Variants in WDR25 observed in about 807,000 individuals in gnomAD.
WDR25 encodes WD repeat domain 25.
WDR25 carries 35 observed loss-of-function variants against 47.7 expected under a neutral mutation model. The observed-to-expected ratio is 0.73, with a 90% CI of 0.56 to 0.97. The LOEUF is 0.97. WDR25 is among the 50% of genes least tolerant of loss of function. The probability of loss-of-function intolerance (pLI) is 0.00; values close to 1 mark genes in which losing one functional copy is unlikely to be tolerated. For synonymous variants in WDR25, 248 were observed against 278.9 expected (o/e 0.89, Z 1.10); for missense variants, 634 against 704.7 (o/e 0.90, Z 1.14).
chr14:100,490,786 C>T (rs903491703), intron 4 of WDR25, among the ~76,000 whole-genome samples: 1 of 152,224 alleles, frequency 6.6e-6, no homozygotes, highest in African/African-American at 2.4e-5. Flanking sequence ...CTACTTGGCT[C>T]AAAGTGCCAT....
chr14:100,394,350 G>A (rs898824606), intron 2 of WDR25, among the ~76,000 whole-genome samples: 2 of 152,174 alleles, frequency 1.3e-5, no homozygotes, highest in African/African-American at 4.8e-5. Context: ...GATGGGCCTT[G>A]TGACGTCTCC....
chr14:100,389,435 T>C (rs1385647709), intron 2 of WDR25, among the ~76,000 whole-genome samples: 2 of 152,248 alleles, frequency 1.3e-5, no homozygotes, highest in Admixed American at 6.5e-5. Context: ...TCCTTCTAGC[T>C]TCTGCTGTTT....
chr14:100,514,154 T>G (rs1452544827), intron 4 of WDR25, among the ~76,000 whole-genome samples: 1 of 151,952 alleles, frequency 6.6e-6, no homozygotes, highest in African/African-American at 2.4e-5. Flanking sequence ...GCCAGGATGG[T>G]CTCGATCTCC....
intron 2 of WDR25, among the ~76,000 whole-genome samples, chr14:100,413,813 G>A (rs772019490): frequency 4.6e-5 from 7 of 152,324 alleles, no homozygotes; most frequent in East Asian, 3.9e-4. Context: ...CATGCAGGGC[G>A]TAGCCTTTAG....
At chr14:100,376,873 C>G (rs1595477614) in intron 1 of WDR25, 1 of 644,494 alleles carries the variant, frequency 1.6e-6, no homozygotes, top group Non-Finnish European at 2.1e-6. Flanking sequence ...CTAGCATCTC[C>G]CCCTCCCACC....
intron 2 of WDR25, among the ~76,000 whole-genome samples, chr14:100,459,894 G>GTATGTATA (rs1899327945): frequency 1.3e-5 from 1 of 78,274 alleles, no homozygotes; most frequent in South Asian, 6.0e-4. Context: ...GTGTGTGTGT[G>GTATGTATA]TATATATATA....
At chr14:100,439,105 C>T (rs995211572) in intron 2 of WDR25, among the ~76,000 whole-genome samples, 2 of 152,212 alleles carry the variant, frequency 1.3e-5, no homozygotes, top group African/African-American at 2.4e-5. Context: ...AGCTCTATGC[C>T]CTGGGCAAGT....
At chr14:100,465,890 G>A (rs1241921953) in intron 2 of WDR25, among the ~76,000 whole-genome samples, 3 of 152,196 alleles carry the variant, frequency 2.0e-5, no homozygotes, top group Non-Finnish European at 4.4e-5. Context: ...TTTTTTGATA[G>A]CAGCCATCCT....
chr14:100,486,570 T>A (rs1900390900), intron 4 of WDR25, among the ~76,000 whole-genome samples: 1 of 152,170 alleles, frequency 6.6e-6, no homozygotes, highest in Non-Finnish European at 1.5e-5. Context: ...TGCCCATGTG[T>A]CTCAAATGGA....
chr14:100,489,828 G>C (rs1338829435), intron 4 of WDR25, among the ~76,000 whole-genome samples: 1 of 152,116 alleles, frequency 6.6e-6, no homozygotes, highest in African/African-American at 2.4e-5. Flanking sequence ...TCCAGAGAAG[G>C]CTGCACCTCT....
intron 4 of WDR25, among the ~76,000 whole-genome samples, chr14:100,487,329 G>A (rs1277021117): frequency 1.3e-5 from 2 of 152,210 alleles, no homozygotes; most frequent in African/African-American, 4.8e-5. Context: ...ATAGATGTGA[G>A]GACAGAGACC....
At chr14:100,520,435 T>C (rs975782688) in intron 4 of WDR25, among the ~76,000 whole-genome samples, 1 of 152,176 alleles carries the variant, frequency 6.6e-6, no homozygotes, top group Non-Finnish European at 1.5e-5. Flanking sequence ...CACTTTAAGA[T>C]TTCTTGCAGT....
chr14:100,428,007 G>A lies in WDR25; in HGVS notation c.823-40014G>A, dbSNP rs1051380463. Reference sequence around the variant, plus strand: ...GCCCTCAGGCTGAGGCTCCTTCTACGAGGCTGGAAGCCTTTTCCTCCTGAG... The same window carrying A: ...GCCCTCAGGCTGAGGCTCCTTCTACAAGGCTGGAAGCCTTTTCCTCCTGAG... On this transcript the variant is annotated intron_variant, in intron 2 of 6. Transcript: ENST00000402312. This position sits in a 1 kb window ranked among gnomAD's most constrained non-coding sequence, Gnocchi z 4.3. Among the ~76,000 whole-genome samples, 5 of 152,238 alleles carry A rather than the reference G, an allele frequency of 3.3e-5. No individual in the cohort carries two copies. Among genetic ancestry groups the A allele is most frequent in the African/African-American group, 9.6e-5 (4 of 41,470 alleles).
intron 5 of WDR25, among the ~76,000 whole-genome samples, chr14:100,526,720 G>A (rs1255233005): frequency 4.5e-5 from 5 of 111,704 alleles, no homozygotes; most frequent in Admixed American, 2.6e-4. Context: ...ACCACCATCA[G>A]CATCACTGTG....
chr14:100,430,289 C>T lies in WDR25; in HGVS notation c.823-37732C>T, dbSNP rs1364773045. Among the ~76,000 whole-genome samples, 1 of 152,032 alleles carries T rather than the reference C, an allele frequency of 6.6e-6. No homozygotes were observed. The highest frequency in any genetic ancestry group is 1.9e-4 in the East Asian group (1 of 5,184). On this transcript the variant is annotated intron_variant, in intron 2 of 6. Coordinates refer to ENST00000402312, the MANE Select transcript of WDR25 (RefSeq NM_001161476.3). This position sits in a 1 kb window ranked among gnomAD's most constrained non-coding sequence, Gnocchi z 4.7. The stretch of plus-strand genomic sequence containing the variant: ...TCTGCCCAGCCAGTCAGAGTCACCT[C>T]CGGACCTCCTGCTTCCTGATCTCCT...
intron 3 of WDR25, among the ~76,000 whole-genome samples, chr14:100,483,730 G>A (rs974627063): frequency 5.3e-5 from 8 of 152,192 alleles, no homozygotes; most frequent in Admixed American, 4.6e-4. Flanking sequence ...TGTGAAAGGT[G>A]CACTCATCAA....
At chr14:100,446,543 T>G (rs1268611172) in intron 2 of WDR25, among the ~76,000 whole-genome samples, 1 of 106,984 alleles carries the variant, frequency 9.3e-6, no homozygotes, top group African/African-American at 3.7e-5. Context: ...AGAGGAAGAC[T>G]CCATCTCAAA....
At chr14:100,418,492 C>T (rs535583985) in intron 2 of WDR25, among the ~76,000 whole-genome samples, 6 of 151,898 alleles carry the variant, frequency 4.0e-5, no homozygotes, top group Middle Eastern at 3.4e-3. Flanking sequence ...ATTAGCTGGG[C>T]GTGGTGGTGC....
At chr14:100,452,019 T>C (rs58514951) in intron 2 of WDR25, among the ~76,000 whole-genome samples, 13,210 of 152,220 alleles carry the variant, frequency 0.087, 1,506 homozygotes, top group African/African-American at 0.27. Flanking sequence ...TCCATCCAAC[T>C]ATCCATCCTC....
Sources: gnomAD v4.1 joint callset for allele counts (sites outside exome capture counted in the v4.1 genomes callset) on GRCh38, gnomAD v4.1.1 for gene constraint, Gnocchi (gnomAD v3.1) non-coding constraint, MANE v1.5 for transcripts, NCBI Gene and HGNC (gene_info 2026-07-23, HGNC 2026-07-21) for gene names.